Variants in FHOD3 observed in about 807,000 individuals in gnomAD.
The protein encoded by FHOD3 is formin homology 2 domain containing 3.
A neutral mutation model predicts 173.0 loss-of-function variants in FHOD3; 90 were observed. The ratio of observed to expected loss-of-function variants is 0.52; its 90% CI spans 0.44 to 0.62. The LOEUF is 0.62. Among genes scored for constraint, FHOD3 ranks in the 20% least tolerant of loss-of-function variants. The pLI is 0.00. For missense variants in FHOD3, 1,945 were observed against 2,034.7 expected (o/e 0.96, Z 0.85); for synonymous variants, 828 against 823.0 (o/e 1.01, Z -0.10).
intron 3 of FHOD3, among the ~76,000 whole-genome samples, chr18:36,382,813 T>C (rs1293542124): frequency 6.6e-6 from 1 of 152,164 alleles, no homozygotes; most frequent in Non-Finnish European, 1.5e-5. Flanking sequence ...TTTGACTTGC[T>C]CCAGGTTAGG....
At chr18:36,742,698 T>G (rs2041962392) in intron 21 of FHOD3, 39 bp from the exon 22 acceptor site, 1 of 1,590,840 alleles carries the variant, frequency 6.3e-7, no homozygotes, top group Non-Finnish European at 8.5e-7. Flanking sequence ...AAACCCAAAT[T>G]GTACACTCTT....
chr18:36,579,631 G>A (rs561433285), intron 6 of FHOD3, among the ~76,000 whole-genome samples: 3 of 152,286 alleles, frequency 2.0e-5, no homozygotes, highest in South Asian at 4.1e-4. Flanking sequence ...TGGAAGGAGT[G>A]CATTTGCTCT....
intron 25 of FHOD3, among the ~76,000 whole-genome samples, chr18:36,755,704 G>A (rs1322604468): frequency 1.3e-5 from 2 of 152,128 alleles, no homozygotes; most frequent in African/African-American, 2.4e-5. Context: ...ACTGATTGGG[G>A]CATTGATTCA....
At chr18:36,598,919 A>G (rs1311361013) in intron 7 of FHOD3, among the ~76,000 whole-genome samples, 1 of 152,236 alleles carries the variant, frequency 6.6e-6, no homozygotes, top group Non-Finnish European at 1.5e-5. Context: ...TGAGATAAAA[A>G]GGTGGATTCA....
At chr18:36,517,272 A>G (rs1433234502) in intron 5 of FHOD3, among the ~76,000 whole-genome samples, 1 of 152,124 alleles carries the variant, frequency 6.6e-6, no homozygotes, top group Non-Finnish European at 1.5e-5. Flanking sequence ...TAGAAGGAGG[A>G]CCTAGAGTGG....
chr18:36,447,892 G>T (rs1307433641), intron 3 of FHOD3, among the ~76,000 whole-genome samples: 1 of 152,290 alleles, frequency 6.6e-6, no homozygotes, highest in East Asian at 1.9e-4. Context: ...ACAGGAAACT[G>T]GTTACTTTAC....
At chr18:36,467,529 C>G (rs935964383) in intron 3 of FHOD3, among the ~76,000 whole-genome samples, 1 of 152,086 alleles carries the variant, frequency 6.6e-6, no homozygotes. Flanking sequence ...CAGCGTCACT[C>G]CAGGAGGGTG....
intron 3 of FHOD3, among the ~76,000 whole-genome samples, chr18:36,404,675 A>G (rs1409948924): frequency 6.6e-6 from 1 of 152,082 alleles, no homozygotes; most frequent in Non-Finnish European, 1.5e-5. Context: ...AGTTCGTGCA[A>G]TTCTCATGCA....
At chr18:36,614,185 C>T (rs995931226) in intron 9 of FHOD3, among the ~76,000 whole-genome samples, 5 of 152,190 alleles carry the variant, frequency 3.3e-5, no homozygotes, top group African/African-American at 1.2e-4. Context: ...CCCCCATGGC[C>T]CCAAACCGGT....
chr18:36,363,082 T>TA (rs2046714229), intron 2 of FHOD3, among the ~76,000 whole-genome samples: 2 of 152,074 alleles, frequency 1.3e-5, no homozygotes, highest in South Asian at 4.1e-4. Context: ...AATGTACATT[T>TA]AAAAAAATGA....
At chr18:36,351,856 A>G (rs1389882642) in intron 1 of FHOD3, among the ~76,000 whole-genome samples, 1 of 152,262 alleles carries the variant, frequency 6.6e-6, no homozygotes, top group African/African-American at 2.4e-5. Context: ...AAAATAGCCC[A>G]GATGGGGCTA....
chr18:36,306,632 C>CG (rs1441343826), intron 1 of FHOD3, among the ~76,000 whole-genome samples: 1 of 152,226 alleles, frequency 6.6e-6, no homozygotes, highest in Admixed American at 6.5e-5. Flanking sequence ...AGGGCAAACT[C>CG]CAAAGTCCTC....
At chr18:36,493,501 C>G (rs2054579323) in intron 3 of FHOD3, among the ~76,000 whole-genome samples, 1 of 152,158 alleles carries the variant, frequency 6.6e-6, no homozygotes, top group Non-Finnish European at 1.5e-5. Context: ...TCAGTGCTGA[C>G]AGTAACTTGG....
chr18:36,766,163 G>A (rs769447832), intron 27 of FHOD3, among the ~76,000 whole-genome samples: 2 of 152,116 alleles, frequency 1.3e-5, no homozygotes, highest in African/African-American at 2.4e-5. Flanking sequence ...AGAAAAAAAA[G>A]GAATGATATC....
At chr18:36,305,720 A>G (rs2092075250) in intron 1 of FHOD3, among the ~76,000 whole-genome samples, 1 of 152,222 alleles carries the variant, frequency 6.6e-6, no homozygotes, top group Admixed American at 6.5e-5. Flanking sequence ...GGACACTGAC[A>G]GGCTGGAGAC....
chr18:36,328,359 T>C (rs1474274024), intron 1 of FHOD3, among the ~76,000 whole-genome samples: 1 of 152,028 alleles, frequency 6.6e-6, no homozygotes, highest in Non-Finnish European at 1.5e-5. Flanking sequence ...AGGAGCTTTC[T>C]GGGTGGGGGG....
At chr18:36,751,909 T>G (rs574585354) in intron 24 of FHOD3, among the ~76,000 whole-genome samples, 3 of 152,250 alleles carry the variant, frequency 2.0e-5, no homozygotes, top group Non-Finnish European at 2.9e-5. Context: ...CTGTTATTAG[T>G]CGATTCTCAT....
chr18:36,482,822 AACAC>A (rs1202251220), intron 3 of FHOD3, among the ~76,000 whole-genome samples: 83 of 92,624 alleles, frequency 9.0e-4, no homozygotes, highest in African/African-American at 1.7e-3. Context: ...CCGGTGAACA[AACAC>A]ACACACACAC....
At position 36,744,240 on chromosome 18, in the gene FHOD3, C is replaced by T. The variant is rs376601445; in HGVS notation, c.4041+47C>T. 150 of 1,573,526 alleles carry T rather than the reference C, an allele frequency of 9.5e-5. 1 individual carries two copies. The African/African-American group carries it at 1.7e-3, about 17-fold the overall frequency. ...AGTGGGCCTGGTCTCGCTGCAGCCACGGGATCTTTATCGGTCATCCTCGAG... is the reference window on the plus strand; with the variant it reads ...AGTGGGCCTGGTCTCGCTGCAGCCATGGGATCTTTATCGGTCATCCTCGAG... On this transcript the variant is annotated intron_variant, in intron 23 of 28. Coordinates refer to ENST00000590592, the MANE Select transcript of FHOD3 (RefSeq NM_001281740.3).
Sources: allele counts gnomAD v4.1 joint callset (sites outside exome capture counted in the v4.1 genomes callset), GRCh38; gene constraint gnomAD v4.1.1; transcripts MANE v1.5; gene names NCBI Gene and HGNC (gene_info 2026-07-23, HGNC 2026-07-21).